Variants in CXXC4 observed in about 807,000 individuals in gnomAD.
The protein encoded by CXXC4 is CXXC finger protein 4.
In CXXC4, 5 loss-of-function variants were observed where a neutral mutation model predicts 20.5. That is an observed-to-expected ratio of 0.24 (90% CI 0.13 to 0.51). The LOEUF is 0.51. CXXC4 is among the 20% of genes least tolerant of loss of function. The pLI is 0.97. For synonymous variants in CXXC4, 250 were observed against 216.4 expected, an observed-to-expected ratio of 1.16 and a Z score of -1.36; for missense variants, 419 against 496.4, an observed-to-expected ratio of 0.84 and a Z score of 1.48.
chr4:104,485,481 A>C (rs962798525), intron 2 of CXXC4, among the ~76,000 whole-genome samples: 1 of 152,130 alleles, frequency 6.6e-6, no homozygotes. Flanking sequence ...AAGCTTTTTC[A>C]GAGTAAATTG....
intron 2 of CXXC4, among the ~76,000 whole-genome samples, chr4:104,476,280 G>C (rs887215125): frequency 6.6e-5 from 10 of 152,082 alleles, no homozygotes; most frequent in Non-Finnish European, 8.8e-5. Flanking sequence ...AATATGAAAA[G>C]CTTTCACCTT....
At chr4:104,482,660 A>T (rs1308493492) in intron 2 of CXXC4, among the ~76,000 whole-genome samples, 2 of 152,140 alleles carry the variant, frequency 1.3e-5, no homozygotes, top group Non-Finnish European at 2.9e-5. Context: ...TTTCCACATG[A>T]TTAAATTTAT....
Position 104,468,840 on chromosome 4 carries a change from C to G in CXXC4, c.*3482G>C, listed in dbSNP as rs1231737870. 6.6e-6 allele frequency: 1 copy of G among 151,926 alleles called. No individual in the cohort carries two copies. The highest frequency in any genetic ancestry group is 2.4e-5 in the African/African-American group (1 of 41,410). 9.4% of individuals were successfully genotyped at this position (151,926 alleles called of 1,614,324 possible). A position where few individuals can be genotyped will look rare whatever the true frequency, so the allele number is the denominator to read the frequency against. On this transcript the variant is annotated 3_prime_UTR_variant, in exon 3 of 3. Coordinates refer to ENST00000394767, the MANE Select transcript of CXXC4 (RefSeq NM_025212.4). Reference sequence around the variant, plus strand: ...CCTGAATAGTGTGTTCATTTAACTGCTTTCCTTTTTTCATTATTTGATTAC... The same window carrying G: ...CCTGAATAGTGTGTTCATTTAACTGGTTTCCTTTTTTCATTATTTGATTAC...
rs1452866042 is a variant in CXXC4 at position 104,472,062 on chromosome 4, C to A, written c.*260G>T. 5 of 319,990 alleles carry A rather than the reference C, an allele frequency of 1.6e-5. No individual in the cohort carries two copies. Among genetic ancestry groups the A allele is most frequent in the Non-Finnish European group, 2.3e-5 (4 of 176,476 alleles). 19.8% of individuals were successfully genotyped at this position (319,990 alleles called of 1,614,324 possible). ...ACTTTCAAAATAGACAACAACTTCA[C>A]TACTATAGCTAAATTACATCAAAGA... is the stretch of plus-strand genomic sequence containing the variant. On this transcript the variant is annotated 3_prime_UTR_variant, in exon 3 of 3. Transcript: ENST00000394767.
At position 104,471,674 on chromosome 4, in the gene CXXC4, T is replaced by C. The variant is rs1324628289; in HGVS notation, c.*648A>G. On this transcript the variant is annotated 3_prime_UTR_variant, in exon 3 of 3. Coordinates refer to ENST00000394767, the MANE Select transcript of CXXC4 (RefSeq NM_025212.4). ...CTTATAACAATAAAACTGAAGGTAATTGGTGGATGCATCATAATCTTTTAG... is the reference window on the plus strand; with the variant it reads ...CTTATAACAATAAAACTGAAGGTAACTGGTGGATGCATCATAATCTTTTAG... The C allele has an allele frequency of 6.6e-6, 1 of 152,054 alleles. No individual in the cohort carries two copies. The highest frequency in any genetic ancestry group is 1.5e-5 in the Non-Finnish European group (1 of 67,996). 9.4% of individuals were successfully genotyped at this position (152,054 alleles called of 1,614,324 possible).
Position 104,491,455 on chromosome 4 carries a change from C to CCCCCCGCCGCCGCCCCCG in CXXC4, c.330_347dup (p.Gly129_Gly134dup). 1.1e-6 allele frequency: 1 copy of CCCCCCGCCGCCGCCCCCG among 875,738 alleles called. No homozygotes were observed. The highest frequency in any genetic ancestry group is 1.4e-6 in the Non-Finnish European group (1 of 709,134). 54.2% of individuals were successfully genotyped at this position (875,738 alleles called of 1,614,324 possible). ...CGCCGCCGCCGCCGCCGCCGCCACC[C>CCCCCCGCCGCCGCCCCCG]CCCCCGCCGCCGCCCCCGCCCCCGC... On this transcript the variant is annotated inframe_insertion, in exon 2 of 3. Coordinates refer to ENST00000394767, the MANE Select transcript of CXXC4 (RefSeq NM_025212.4).
chr4:104,488,467 A>C (rs1349697989), intron 2 of CXXC4, among the ~76,000 whole-genome samples: 1 of 152,216 alleles, frequency 6.6e-6, no homozygotes, highest in East Asian at 1.9e-4. Context: ...AATTTTGAAA[A>C]AAAGCTTTTT....
At chr4:104,472,440 C>A in intron 2 of CXXC4, 74 bp from the exon 3 acceptor site, 1 of 1,040,026 alleles carries the variant, frequency 9.6e-7, no homozygotes, top group Non-Finnish European at 1.5e-6. Context: ...TTCTCCTTTA[C>A]ACTTCAGCAA....
At position 104,491,382 on chromosome 4, in the gene CXXC4, C is replaced by T. The variant is rs768482636; in HGVS notation, c.421G>A (p.Ala141Thr). The T allele has an allele frequency of 1.6e-5, 21 of 1,341,044 alleles. No homozygotes were observed. In the South Asian group the frequency reaches 2.3e-4, roughly 14 times the overall value. 83.1% of individuals were successfully genotyped at this position (1,341,044 alleles called of 1,614,324 possible). The change falls in exon 2 of 3, where the codon GCC (alanine) becomes ACC (threonine). Residue 141 changes from alanine (A) to threonine (T), a missense_variant. Around this residue, in one of 3 missense-constraint regions of CXXC4, gnomAD observed 388 missense variants for 416.0 expected, o/e 0.93. Transcript: ENST00000394767. The stretch of plus-strand genomic sequence containing the variant: ...GAGGAGGAGGCGGAGGAGGAGGCGG[C>T]GGCGGAGGAGGATTTCCTGCCGCCC... The part of the protein sequence containing the change: ...GGGGRKSSSA[A>T]ASSSASSSSA...
Position 104,472,261 on chromosome 4 carries a change from A to T in CXXC4, c.*61T>A. On this transcript the variant is annotated 3_prime_UTR_variant, in exon 3 of 3. Transcript: ENST00000394767. ...CAGTGGTGGACTAAGCAGTTTCTTA[A>T]AACAAGACATTAGTTTGCCCTTCAT... 1 of 1,136,932 alleles carries T rather than the reference A, an allele frequency of 8.8e-7. No individual in the cohort carries two copies. The highest frequency in any genetic ancestry group is 1.3e-6 in the Non-Finnish European group (1 of 780,176). The allele number at this position is 1,136,932 out of a possible 1,614,324, so 70.4% of individuals were successfully genotyped here.
At chr4:104,486,114 A>G (rs1256104529) in intron 2 of CXXC4, among the ~76,000 whole-genome samples, 1 of 150,956 alleles carries the variant, frequency 6.6e-6, no homozygotes, top group Non-Finnish European at 1.5e-5. Context: ...TAATTACTTT[A>G]TTTTATTATT....
At position 104,472,315 on chromosome 4, in the gene CXXC4, T is replaced by C. The variant is rs765523363; in HGVS notation, c.*7A>G. Reference sequence around the variant, plus strand: ...CAAATGCCTTGAAAATAAGATATACTACTGCTTTAAAAGAACCATCGGAAT... The same window carrying C: ...CAAATGCCTTGAAAATAAGATATACCACTGCTTTAAAAGAACCATCGGAAT... On this transcript the variant is annotated 3_prime_UTR_variant, in exon 3 of 3. Transcript: ENST00000394767. The C allele has an allele frequency of 1.3e-6, 2 of 1,594,566 alleles. No individual in the cohort carries two copies. The highest frequency in any genetic ancestry group is 2.7e-5 in the African/African-American group (2 of 74,202).
chr4:104,482,675 T>C (rs2110274956), intron 2 of CXXC4, among the ~76,000 whole-genome samples: 1 of 152,268 alleles, frequency 6.6e-6, no homozygotes, highest in Middle Eastern at 3.4e-3. Context: ...ATTTATATGG[T>C]CTTCTGTTCA....
chr4:104,483,437 GA>G (rs1736605329), intron 2 of CXXC4, among the ~76,000 whole-genome samples: 1 of 151,630 alleles, frequency 6.6e-6, no homozygotes, highest in African/African-American at 2.4e-5. Flanking sequence ...TTTTTCCCCA[GA>G]AAAACACCAG....
At position 104,471,551 on chromosome 4, in the gene CXXC4, C is replaced by T. The variant is rs1490399639; in HGVS notation, c.*771G>A. ...TACACTAAGTATTTGGGAGGTATAC[C>T]CTTCTGTACAGCTCGTTTGTAAGCA... On this transcript the variant is annotated 3_prime_UTR_variant, in exon 3 of 3. Transcript: ENST00000394767. 6.6e-6 allele frequency: 1 copy of T among 151,990 alleles called. No homozygotes were observed. The highest frequency in any genetic ancestry group is 1.5e-5 in the Non-Finnish European group (1 of 67,952). The allele number at this position is 151,990 out of a possible 1,614,324, so 9.4% of individuals were successfully genotyped here. A position where few individuals can be genotyped will look rare whatever the true frequency, so the allele number is the denominator to read the frequency against.
chr4:104,487,558 G>A (rs1736730398), intron 2 of CXXC4, among the ~76,000 whole-genome samples: 1 of 152,124 alleles, frequency 6.6e-6, no homozygotes. Context: ...CTTATCATAA[G>A]GATCTCCTAT....
At position 104,472,136 on chromosome 4, in the gene CXXC4, T is replaced by C. The variant is rs1203940718; in HGVS notation, c.*186A>G. ...ATAGACTGGCCAATTCTCCAAGCTCTCACATTATTTTTATGTCTTTTTCTT... is the reference window on the plus strand; with the variant it reads ...ATAGACTGGCCAATTCTCCAAGCTCCCACATTATTTTTATGTCTTTTTCTT... On this transcript the variant is annotated 3_prime_UTR_variant, in exon 3 of 3. Transcript: ENST00000394767. The C allele has an allele frequency of 1.7e-5, 7 of 409,320 alleles. No individual in the cohort carries two copies. In the South Asian group the frequency reaches 2.5e-4, roughly 15 times the overall value. The allele number at this position is 409,320 out of a possible 1,614,324, so 25.4% of individuals were successfully genotyped here.
In CXXC4 at chr4:104,468,705, A is replaced by AC. The variant is rs1320198227; in HGVS notation, c.*3616_*3617insG. 6.6e-6 allele frequency: 1 copy of AC among 151,966 alleles called. No homozygotes were observed. The highest frequency in any genetic ancestry group is 1.5e-5 in the Non-Finnish European group (1 of 67,958). 9.4% of individuals were successfully genotyped at this position (151,966 alleles called of 1,614,324 possible). On this transcript the variant is annotated 3_prime_UTR_variant, in exon 3 of 3. Coordinates refer to ENST00000394767, the MANE Select transcript of CXXC4 (RefSeq NM_025212.4). ...GTGTGAAATGCCAAATTTAATAAAA[A>AC]AAAAAAAACTGAAACATTTAGCTGT...
chr4:104,483,755 A>G (rs998870244), intron 2 of CXXC4, among the ~76,000 whole-genome samples: 2 of 152,004 alleles, frequency 1.3e-5, no homozygotes, highest in African/African-American at 2.4e-5. Context: ...AAAGTCAAAT[A>G]AAAGTATTGG....
Sources: allele counts gnomAD v4.1 joint callset (sites outside exome capture counted in the v4.1 genomes callset), GRCh38; gene constraint gnomAD v4.1.1; regional missense constraint gnomAD v4.1.1; transcripts MANE v1.5; gene names NCBI Gene and HGNC (gene_info 2026-07-23, HGNC 2026-07-21).